NRG2: variants seen among roughly 807,000 people sequenced by gnomAD.
NRG2 encodes neuregulin 2, also known as pro-neuregulin-2, membrane-bound isoform.
In NRG2, 27 loss-of-function variants were observed where a neutral mutation model predicts 73.9. The ratio of observed to expected loss-of-function variants is 0.37; its 90% CI spans 0.27 to 0.50. The LOEUF (loss-of-function observed/expected upper bound fraction) is 0.50. NRG2 is among the 20% of genes least tolerant of loss of function. The pLI, the probability that NRG2 is intolerant of heterozygous loss-of-function variation, is 0.96. For synonymous variants in NRG2, 532 were observed against 541.0 expected, an observed-to-expected ratio of 0.98 and a Z score of 0.23; for missense variants, 1,126 against 1,210.1, an observed-to-expected ratio of 0.93 and a Z score of 1.03.
At chr5:139,982,180 C>A (rs527640689) in intron 1 of NRG2, among the ~76,000 whole-genome samples, 1 of 152,196 alleles carries the variant, frequency 6.6e-6, no homozygotes, top group Admixed American at 6.5e-5. Flanking sequence ...TAAAGTGAAG[C>A]CTAAACTCCT....
At chr5:139,993,152 TTAA>T (rs1757765333) in intron 1 of NRG2, among the ~76,000 whole-genome samples, 1 of 152,022 alleles carries the variant, frequency 6.6e-6, no homozygotes, top group Non-Finnish European at 1.5e-5. Context: ...CTCTCTTTTG[TTAA>T]TAATGTAAAT....
Position 139,851,470 on chromosome 5 carries a change from G to A in NRG2, c.1772+134C>T. ...GAGCAGGCCATTTCACCTTTTCTAG[G>A]ACCTTGTTTTCCCATATGAAAAATG... On this transcript the variant is annotated intron_variant, in intron 9 of 9. Transcript: ENST00000361474. This position sits in a 1 kb window ranked among gnomAD's most constrained non-coding sequence, Gnocchi z 4.2. 1 of 829,664 alleles carries A rather than the reference G, an allele frequency of 1.2e-6. No homozygotes were observed. The highest frequency in any genetic ancestry group is 1.9e-6 in the Non-Finnish European group (1 of 530,542). 51.4% of individuals were successfully genotyped at this position (829,664 alleles called of 1,614,324 possible).
chr5:139,847,647 T>C lies in NRG2; in HGVS notation c.*270A>G. 4.4e-6 allele frequency: 1 copy of C among 225,668 alleles called. No homozygotes were observed. The highest frequency in any genetic ancestry group is 8.4e-6 in the Non-Finnish European group (1 of 119,680). 14.0% of individuals were successfully genotyped at this position (225,668 alleles called of 1,614,324 possible). ...GAGTCAAAAAATTGGCCCATCTCTC[T>C]TTTTTTTTTGTTGTTTCTTTTTTTT... On this transcript the variant is annotated 3_prime_UTR_variant, in exon 10 of 10. Transcript: ENST00000361474.
At chr5:139,982,748 C>T (rs533266229) in intron 1 of NRG2, among the ~76,000 whole-genome samples, 1 of 152,304 alleles carries the variant, frequency 6.6e-6, no homozygotes, top group Admixed American at 6.5e-5. Context: ...CCCATTCCCC[C>T]GCAAGGCGCC....
chr5:139,848,532 C>A lies in NRG2; in HGVS notation c.1938G>T (p.Pro646=). 2 of 1,460,628 alleles carry A rather than the reference C, an allele frequency of 1.4e-6. No individual in the cohort carries two copies. Among genetic ancestry groups the A allele is most frequent in the Non-Finnish European group, 1.8e-6 (2 of 1,116,410 alleles). 90.5% of individuals were successfully genotyped at this position (1,460,628 alleles called of 1,614,324 possible). Reference sequence around the variant, plus strand: ...CGGGGGGCGCCGGGTGCCGCAGTAACGGCTGCTGCTCGGCCAGGCGGTAAC... The same window carrying A: ...CGGGGGGCGCCGGGTGCCGCAGTAAAGGCTGCTGCTCGGCCAGGCGGTAAC... The part of the protein sequence containing the change: ...PISYRLAEQQ[P]LLRHPAPPGP... Residue 646 remains proline (P), a synonymous_variant, in exon 10 of 10, where the codon CCG becomes CCT. Transcript: ENST00000361474.
intron 1 of NRG2, among the ~76,000 whole-genome samples, chr5:139,890,344 G>T (rs935492224): frequency 3.9e-5 from 6 of 152,080 alleles, no homozygotes; most frequent in Non-Finnish European, 7.4e-5. Flanking sequence ...TGATTTGTAA[G>T]AACTTTTTAT....
rs572613123 is a variant in NRG2, at chr5:140,014,820, C to T, written c.700+27550G>A. The stretch of plus-strand genomic sequence containing the variant: ...AAATTATATTACTCCTCTGCTCAAA[C>T]CCTCCAGCAGATCCTTTTTACACTG... On this transcript the variant is annotated intron_variant, in intron 1 of 9. Coordinates refer to ENST00000361474, the MANE Select transcript of NRG2 (RefSeq NM_004883.3). 1.4e-3 allele frequency among the ~76,000 whole-genome samples: 220 copies of T among 152,328 alleles called. 2 individuals are homozygous for T. Among genetic ancestry groups the T allele is most frequent in the Non-Finnish European group, 2.5e-3 (168 of 68,044 alleles).
chr5:139,988,811 G>C (rs1364145833), intron 1 of NRG2, among the ~76,000 whole-genome samples: 1 of 151,804 alleles, frequency 6.6e-6, no homozygotes, highest in African/African-American at 2.4e-5. Context: ...TGTCAATGTA[G>C]GTTTATCTGT....
At chr5:139,946,028 T>C (rs1261276968) in intron 1 of NRG2, among the ~76,000 whole-genome samples, 1 of 152,104 alleles carries the variant, frequency 6.6e-6, no homozygotes, top group Non-Finnish European at 1.5e-5. Context: ...ATTGTTAAGA[T>C]GGCAATATTC....
At chr5:140,037,666 T>C (rs1045154608) in intron 1 of NRG2, among the ~76,000 whole-genome samples, 2 of 152,148 alleles carry the variant, frequency 1.3e-5, no homozygotes, top group Non-Finnish European at 2.9e-5. Context: ...TCCAAGCACT[T>C]TGGGGGGCCA....
rs186746268 is a variant in NRG2 at position 140,008,642 on chromosome 5, C to T, written c.700+33728G>A. ...TATATACACTACAGTGAATTCCAGA[C>T]GGGTCAGCATTAAATGCCAACTTAA... On this transcript the variant is annotated intron_variant, in intron 1 of 9. Transcript: ENST00000361474. The surrounding 1 kb of genome is among the most constrained non-coding windows in gnomAD (Gnocchi z 4.2). 1.1e-4 allele frequency among the ~76,000 whole-genome samples: 16 copies of T among 152,272 alleles called. No homozygotes were observed. The highest frequency in any genetic ancestry group is 2.2e-4 in the African/African-American group (9 of 41,542).
chr5:139,906,092 C>A (rs1765205522), intron 1 of NRG2, among the ~76,000 whole-genome samples: 1 of 152,130 alleles, frequency 6.6e-6, no homozygotes, highest in Non-Finnish European at 1.5e-5. Context: ...ACTGCAACCT[C>A]CTCCTCTCGG....
intron 1 of NRG2, among the ~76,000 whole-genome samples, chr5:140,030,674 G>A (rs1249459571): frequency 6.6e-6 from 1 of 152,244 alleles, no homozygotes; most frequent in East Asian, 1.9e-4. Context: ...AGCCACCCAT[G>A]TGCCTCCCTT....
At chr5:139,859,519 T>C (rs1271057696) in intron 5 of NRG2, among the ~76,000 whole-genome samples, 1 of 152,202 alleles carries the variant, frequency 6.6e-6, no homozygotes, top group Non-Finnish European at 1.5e-5. Flanking sequence ...ACACCAGCCC[T>C]TCAAGGGGCC....
intron 1 of NRG2, among the ~76,000 whole-genome samples, chr5:139,947,903 T>C (rs1391803777): frequency 6.6e-6 from 1 of 152,224 alleles, no homozygotes; most frequent in South Asian, 2.1e-4. Context: ...ATTCTTTTTA[T>C]TGTGGTAAAA....
intron 1 of NRG2, among the ~76,000 whole-genome samples, chr5:139,972,542 T>C (rs187603220): frequency 1.1e-3 from 167 of 152,322 alleles, no homozygotes; most frequent in African/African-American, 3.8e-3. Context: ...CTGGCCAACA[T>C]AGTGAAACCC....
At position 139,851,707 on chromosome 5, in the gene NRG2, C is replaced by T. The variant is rs376975781; in HGVS notation, c.1669G>A (p.Ala557Thr). 6.8e-6 allele frequency: 11 copies of T among 1,614,066 alleles called. No homozygotes were observed. The highest frequency in any genetic ancestry group is 6.7e-5 in the African/African-American group (5 of 74,938). The change falls in exon 9 of 10, where the codon GCA becomes ACA. Residue 557 changes from alanine (A) to threonine (T), a missense_variant. Transcript: ENST00000361474. This position sits in a 1 kb window ranked among gnomAD's most constrained non-coding sequence, Gnocchi z 4.2. ...CNSPACVEARARRAAAYNLEE... is the reference protein window; with the variant it reads ...CNSPACVEARTRRAAAYNLEE... ...AGGTTGTAGGCTGCTGCCCGCCTTG[C>T]CCGGGCCTCCACACATGCTGGGCTG...
chr5:139,990,886 C>G (rs1757571089), intron 1 of NRG2, among the ~76,000 whole-genome samples: 12 of 152,088 alleles, frequency 7.9e-5, no homozygotes, highest in Admixed American at 7.9e-4. Flanking sequence ...TTTTGCGTAT[C>G]CTTAACACTA....
chr5:140,005,972 T>C (rs1415257683), intron 1 of NRG2, among the ~76,000 whole-genome samples: 1 of 152,182 alleles, frequency 6.6e-6, no homozygotes, highest in East Asian at 1.9e-4. Context: ...GAAAACTAGA[T>C]ACCAAAGACG....
Sources: allele counts gnomAD v4.1 joint callset (sites outside exome capture counted in the v4.1 genomes callset), GRCh38; gene constraint gnomAD v4.1.1; non-coding constraint Gnocchi (gnomAD v3.1); transcripts MANE v1.5; gene names NCBI Gene and HGNC (gene_info 2026-07-23, HGNC 2026-07-21).